MTR: variants seen among roughly 807,000 people sequenced by gnomAD.
MTR encodes the protein 5-methyltetrahydrofolate-homocysteine methyltransferase, also known as methionine synthase.
MTR carries 84 observed loss-of-function variants against 154.8 expected under a neutral mutation model. The observed-to-expected ratio is 0.54, with a 90% CI of 0.45 to 0.65. The LOEUF is 0.65. Among genes scored for constraint, MTR ranks in the 30% least tolerant of loss-of-function variants. The pLI, the probability that MTR is intolerant of heterozygous loss-of-function variation, is 0.00. For synonymous variants in MTR, 554 were observed against 553.9 expected, an observed-to-expected ratio of 1.00 and a Z score of 0.00; for missense variants, 1,275 against 1,570.2, an observed-to-expected ratio of 0.81 and a Z score of 3.18.
chr1:236,799,137 T>G (rs1660566153), intron 1 of MTR, among the ~76,000 whole-genome samples: 1 of 152,084 alleles, frequency 6.6e-6, no homozygotes, highest in Non-Finnish European at 1.5e-5. Flanking sequence ...TTTCCCCCTT[T>G]TTCTTGAGAC....
intron 25 of MTR, among the ~76,000 whole-genome samples, chr1:236,881,591 G>C (rs1036288759): frequency 6.6e-6 from 1 of 152,102 alleles, no homozygotes; most frequent in East Asian, 1.9e-4. Flanking sequence ...GAGAACCACA[G>C]ATTTAGCCCA....
At chr1:236,835,846 A>G (rs914679902) in intron 14 of MTR, among the ~76,000 whole-genome samples, 159 bp downstream of exon 14, 4 of 152,080 alleles carry the variant, frequency 2.6e-5, no homozygotes, top group Admixed American at 6.5e-5. Flanking sequence ...TTTCTCAGAT[A>G]CTGATAACCT....
intron 8 of MTR, among the ~76,000 whole-genome samples, chr1:236,822,315 T>TTTG (rs1553313627): frequency 1.3e-5 from 2 of 148,660 alleles, no homozygotes; most frequent in Admixed American, 6.7e-5. Flanking sequence ...TTTTTTTGTT[T>TTTG]TTTTTTTTTT....
chr1:236,806,085 A>T, intron 2 of MTR, 59 bp from the exon 3 acceptor site: 2 of 1,423,760 alleles, frequency 1.4e-6, no homozygotes, highest in Non-Finnish European at 2.0e-6. Flanking sequence ...GGGCATGTTT[A>T]TTCTGGGGGC....
chr1:236,867,132 T>C (rs1664863095), intron 22 of MTR, among the ~76,000 whole-genome samples: 1 of 152,176 alleles, frequency 6.6e-6, no homozygotes, highest in Non-Finnish European at 1.5e-5. Context: ...TGCAGGACTT[T>C]CATAGCTAGA....
At chr1:236,821,226 A>C (rs1210941544) in intron 8 of MTR, among the ~76,000 whole-genome samples, 2 of 152,220 alleles carry the variant, frequency 1.3e-5, no homozygotes, top group East Asian at 3.8e-4. Flanking sequence ...AGCATGTGTG[A>C]AAGAGAGGGG....
At chr1:236,848,773 A>T (rs923678252) in intron 15 of MTR, among the ~76,000 whole-genome samples, 5 of 152,206 alleles carry the variant, frequency 3.3e-5, no homozygotes, top group African/African-American at 1.2e-4. Context: ...CACCAGCTGC[A>T]GAGAGCGATT....
intron 15 of MTR, among the ~76,000 whole-genome samples, chr1:236,840,120 T>A (rs1204283019): frequency 6.6e-6 from 1 of 152,198 alleles, no homozygotes. Context: ...ATTTTTGGAA[T>A]GAAATTGTTT....
In MTR at chr1:236,894,408, A is replaced by G; in HGVS notation, c.3256A>G (p.Ile1086Val). 1.2e-6 allele frequency: 2 copies of G among 1,614,214 alleles called. No homozygotes were observed. The highest frequency in any genetic ancestry group is 1.1e-5 in the South Asian group (1 of 91,088). ...GCCATACTACTGCCTCTCAGACTTC[A>G]TCGCTCCCTTGCATTCTGGCATCCG... Reference protein sequence around the residue: ...TEPYYCLSDFIAPLHSGIRDY... With the variant: ...TEPYYCLSDFVAPLHSGIRDY... Residue 1086 changes from isoleucine to valine, a missense_variant, in exon 30 of 33, where the codon ATC (isoleucine) becomes GTC (valine). By Grantham distance (29) the Ile-to-Val change is conservative. Transcript: ENST00000366577.
chr1:236,815,615 T>G lies in MTR; in HGVS notation c.621T>G (p.Phe207Leu), dbSNP rs148101911. Residue 207 changes from phenylalanine to leucine, a missense_variant, in exon 7 of 33, where the codon TTT (phenylalanine) becomes TTG (leucine). Transcript: ENST00000366577. ...FDTANAKAAL[F>L]ALQNLFEEKY... is the part of the protein sequence containing the mutation. ...TTTTTCCCTGACAGGCAGCCTTGTT[T>G]GCACTCCAAAATCTTTTTGAGGAGA... 3.8e-5 allele frequency: 61 copies of G among 1,613,910 alleles called. No individual in the cohort carries two copies. The highest frequency in any genetic ancestry group is 5.2e-5 in the Non-Finnish European group (61 of 1,179,900).
chr1:236,873,987 C>T (rs1665288783), intron 23 of MTR, 147 bp downstream of exon 23: 2 of 766,252 alleles, frequency 2.6e-6, no homozygotes, highest in Non-Finnish European at 4.4e-6. Context: ...CACCAGGTTG[C>T]TTTCATTGCC....
chr1:236,813,377 G>A (rs1040472870), intron 6 of MTR, among the ~76,000 whole-genome samples: 1 of 152,172 alleles, frequency 6.6e-6, no homozygotes, highest in Non-Finnish European at 1.5e-5. Context: ...CAGTGTATCT[G>A]TAGGATACAT....
chr1:236,896,452 C>T (rs1398950646), intron 31 of MTR, among the ~76,000 whole-genome samples: 1 of 152,208 alleles, frequency 6.6e-6, no homozygotes, highest in Non-Finnish European at 1.5e-5. Flanking sequence ...TCTGGCAAAG[C>T]ACTCACCCTT....
chr1:236,874,593 G>A, intron 23 of MTR, 133 bp from the exon 24 acceptor site: 5 of 694,254 alleles, frequency 7.2e-6, no homozygotes, highest in Non-Finnish European at 1.1e-5. Context: ...AAAGAATTAG[G>A]AATTGGGAAT....
In MTR at chr1:236,891,120, G is replaced by C. The variant is rs1273636492; in HGVS notation, c.3008-13G>C. Reference sequence around the variant, plus strand: ...GCATCTTTAAGTGAATTCTAATTCTGTTTTTCTAATAGGTGGAGAGGCCAG... The same window carrying C: ...GCATCTTTAAGTGAATTCTAATTCTCTTTTTCTAATAGGTGGAGAGGCCAG... On this transcript the variant is annotated splice_polypyrimidine_tract_variant and intron_variant, in intron 28 of 32. Coordinates refer to ENST00000366577, the MANE Select transcript of MTR (RefSeq NM_000254.3). 1 of 1,614,022 alleles carries C rather than the reference G, an allele frequency of 6.2e-7. No homozygotes were observed. Among genetic ancestry groups the C allele is most frequent in the South Asian group, 1.1e-5 (1 of 91,076 alleles).
intron 23 of MTR, 34 bp downstream of exon 23, chr1:236,873,874 A>G (rs749520878): frequency 4.1e-5 from 65 of 1,584,854 alleles, no homozygotes; most frequent in Non-Finnish European, 5.5e-5. Context: ...CATTTCTCTA[A>G]ATGTCATATC....
rs2103149696 is a variant in MTR at position 236,835,704 on chromosome 1, G to A, written c.1329+17G>A. 1.9e-6 allele frequency: 3 copies of A among 1,613,426 alleles called. No homozygotes were observed. The highest frequency in any genetic ancestry group is 1.7e-6 in the Non-Finnish European group (2 of 1,179,890). The stretch of plus-strand genomic sequence containing the variant: ...ATCGCAAAGGTTATACAAAGTTTAT[G>A]TTTATCAGGGGGATTTACTTGTCTC... On this transcript the variant is annotated intron_variant, in intron 14 of 32. Transcript: ENST00000366577.
At chr1:236,798,813 T>C (rs2102996151) in intron 1 of MTR, among the ~76,000 whole-genome samples, 1 of 152,320 alleles carries the variant, frequency 6.6e-6, no homozygotes, top group East Asian at 1.9e-4. Flanking sequence ...AAATACAATT[T>C]TGTTGTTCTT....
intron 25 of MTR, among the ~76,000 whole-genome samples, chr1:236,883,746 T>G (rs1007605941): frequency 1.3e-5 from 2 of 152,168 alleles, no homozygotes; most frequent in Admixed American, 6.5e-5. Context: ...TGAGGTGATT[T>G]TGTTTTATAC....
Sources: allele counts gnomAD v4.1 joint callset (sites outside exome capture counted in the v4.1 genomes callset), GRCh38; gene constraint gnomAD v4.1.1; transcripts MANE v1.5; gene names NCBI Gene and HGNC (gene_info 2026-07-23, HGNC 2026-07-21).